Variants in SLC43A3 observed in about 807,000 individuals in gnomAD.
SLC43A3 encodes equilibrative nucleobase transporter 1.
Under a neutral mutation model 53.3 loss-of-function variants are expected in SLC43A3, and 33 were observed. That is an observed-to-expected ratio of 0.62 (90% CI 0.47 to 0.83). SLC43A3 has a LOEUF of 0.83. Ranked by LOEUF, SLC43A3 falls within the 40% of genes least tolerant of loss-of-function variation. SLC43A3 has a pLI of 0.00. For synonymous variants in SLC43A3, 236 were observed against 246.2 expected, an observed-to-expected ratio of 0.96 and a Z score of 0.39; for missense variants, 530 against 610.0, an observed-to-expected ratio of 0.87 and a Z score of 1.38.
intron 4 of SLC43A3, 144 bp from the exon 5 acceptor site, chr11:57,424,172 GC>G: frequency 1.3e-6 from 1 of 765,058 alleles, no homozygotes; most frequent in African/African-American, 1.7e-5. Context: ...ATGCCTCTGA[GC>G]CCCAGGCTCA....
intron 9 of SLC43A3, among the ~76,000 whole-genome samples, chr11:57,416,305 T>G (rs1942720576): frequency 2.7e-5 from 4 of 147,534 alleles, no homozygotes; most frequent in East Asian, 2.0e-4. Flanking sequence ...AACCGAGGAG[T>G]GGGGGGAAGG....
chr11:57,409,982 G>A lies in SLC43A3; in HGVS notation c.1200C>T (p.Ile400=). 6.2e-7 allele frequency: 1 copy of A among 1,613,320 alleles called. No individual in the cohort carries two copies. The highest frequency in any genetic ancestry group is 1.1e-5 in the South Asian group (1 of 90,642). ...LQYLTFILQV[I]SRSFLYGSNA... is the part of the protein sequence containing the mutation. ...TGCTCCCATAGAGGAAGGAGCGGCT[G>A]ATCACTTGCAGGATGAAGGTGAGGT... The change falls in exon 12 of 14, where the codon ATC becomes ATT. Residue 400 remains isoleucine (I), a synonymous_variant. Coordinates refer to ENST00000395124, the MANE Select transcript of SLC43A3 (RefSeq NM_199329.3).
Position 57,421,232 on chromosome 11 carries a change from G to A in SLC43A3, c.438+65C>T, listed in dbSNP as rs148621841. Reference sequence around the variant, plus strand: ...TCTGAGGCAGCCAATTATAGAAAAGGGTCTCTCCTTCCCTCCACCTTCCCG... The same window carrying A: ...TCTGAGGCAGCCAATTATAGAAAAGAGTCTCTCCTTCCCTCCACCTTCCCG... On this transcript the variant is annotated intron_variant, in intron 6 of 13. Coordinates refer to ENST00000395124, the MANE Select transcript of SLC43A3 (RefSeq NM_199329.3). 1,926 of 1,430,460 alleles carry A rather than the reference G, an allele frequency of 1.3e-3. 3 individuals are homozygous for A. The highest frequency in any genetic ancestry group is 1.7e-3 in the Non-Finnish European group (1,754 of 1,019,730). The allele number at this position is 1,430,460 out of a possible 1,614,324, so 88.6% of individuals were successfully genotyped here. A position where few individuals can be genotyped will look rare whatever the true frequency, so the allele number is the denominator to read the frequency against.
intron 4 of SLC43A3, 95 bp downstream of exon 4, chr11:57,425,445 GC>G: frequency 7.5e-7 from 1 of 1,339,580 alleles, no homozygotes; most frequent in Non-Finnish European, 1.0e-6. Context: ...TGGCAGGGTG[GC>G]CGGGCTGTCT....
At chr11:57,424,111 C>G in intron 4 of SLC43A3, 83 bp from the exon 5 acceptor site, 1 of 1,388,390 alleles carries the variant, frequency 7.2e-7, no homozygotes, top group Non-Finnish European at 1.0e-6. Flanking sequence ...TCAGCCAGCC[C>G]ACAAGTGTAG....
At chr11:57,417,565 GA>G (rs1363853617) in intron 8 of SLC43A3, among the ~76,000 whole-genome samples, 182 bp downstream of exon 8, 2 of 152,218 alleles carry the variant, frequency 1.3e-5, no homozygotes, top group African/African-American at 4.8e-5. Context: ...ACAGACTTGT[GA>G]AAAATAATAA....
At chr11:57,423,386 A>C (rs1943070933) in intron 5 of SLC43A3, among the ~76,000 whole-genome samples, 1 of 152,160 alleles carries the variant, frequency 6.6e-6, no homozygotes, top group Non-Finnish European at 1.5e-5. Context: ...TTTAACACAT[A>C]GGAGAAGGAT....
At chr11:57,413,438 T>C (rs929108431) in intron 11 of SLC43A3, among the ~76,000 whole-genome samples, 4 of 152,212 alleles carry the variant, frequency 2.6e-5, no homozygotes, top group African/African-American at 4.8e-5. Context: ...TTTATGGTGA[T>C]GTTTAAGTAA....
intron 4 of SLC43A3, among the ~76,000 whole-genome samples, chr11:57,425,095 C>T (rs553684449): frequency 4.3e-5 from 6 of 139,870 alleles, no homozygotes; most frequent in South Asian, 5.2e-4. Context: ...GCTGTTGGGG[C>T]GGGGAGGGGG....
intron 9 of SLC43A3, among the ~76,000 whole-genome samples, chr11:57,416,106 C>T (rs1490658967): frequency 6.6e-6 from 1 of 152,192 alleles, no homozygotes. Context: ...CATCTCCTCT[C>T]CCACCCCGTT....
Position 57,426,016 on chromosome 11 carries a change from G to T in SLC43A3, c.157C>A (p.Pro53Thr). Residue 53 changes from proline (P) to threonine (T), a missense_variant, in exon 3 of 14, where the codon CCG becomes ACG. Physicochemically the swap from Pro to Thr is conservative, Grantham distance 38. Around this residue, in one of 3 missense-constraint regions of SLC43A3, gnomAD observed 376 missense variants for 386.7 expected, o/e 0.97. Transcript: ENST00000395124. Reference protein sequence around the residue: ...FKDLCGPDAGPIGNATGQADC... With the variant: ...FKDLCGPDAGTIGNATGQADC... ...GCCTGCCCTGTGGCATTGCCAATCG[G>T]CCCAGCATCTGGTCCACACAGATCC... 3 of 1,614,216 alleles carry T rather than the reference G, an allele frequency of 1.9e-6. No homozygotes were observed. The highest frequency in any genetic ancestry group is 2.5e-6 in the Non-Finnish European group (3 of 1,180,022).
At chr11:57,411,319 C>A (rs961565067) in intron 11 of SLC43A3, among the ~76,000 whole-genome samples, 1 of 151,802 alleles carries the variant, frequency 6.6e-6, no homozygotes, top group Non-Finnish European at 1.5e-5. Context: ...ATGAACATAA[C>A]TCTATACCAA....
At chr11:57,425,374 G>A (rs925099123) in intron 4 of SLC43A3, among the ~76,000 whole-genome samples, 167 bp downstream of exon 4, 2 of 152,208 alleles carry the variant, frequency 1.3e-5, no homozygotes, top group African/African-American at 4.8e-5. Flanking sequence ...AGTCTAGAGA[G>A]AGTCCCGCTG....
chr11:57,409,542 G>A (rs1332118697), intron 12 of SLC43A3, among the ~76,000 whole-genome samples: 1 of 152,170 alleles, frequency 6.6e-6, no homozygotes, highest in Admixed American at 6.5e-5. Context: ...GCTGCACCAG[G>A]AAAGAAAAGA....
Position 57,425,654 on chromosome 11 carries a change from A to G in SLC43A3, c.201T>C (p.Asp67=). The G allele has an allele frequency of 6.2e-7, 1 of 1,614,116 alleles. No homozygotes were observed. Among genetic ancestry groups the G allele is most frequent in the East Asian group, 2.2e-5 (1 of 44,886 alleles). The change falls in exon 4 of 14, where the codon GAT becomes GAC. Residue 67 remains aspartate, a synonymous_variant. Transcript: ENST00000395124. The stretch of plus-strand genomic sequence containing the variant: ...GGGTGAAGATGAGTGAGAACCTCTC[A>G]TCCTGGGCTTTGCAGTCTGGAGTAG... ...ATGQADCKAQ[D]ERFSLIFTLG...
chr11:57,409,165 C>A lies in SLC43A3; in HGVS notation c.1371+10G>T, dbSNP rs576854610. 3 of 1,614,182 alleles carry A rather than the reference C, an allele frequency of 1.9e-6. No homozygotes were observed. In the South Asian group the frequency reaches 3.3e-5, roughly 18 times the overall value. ...CTCCTGCCAGGGATCCCCATCCTCC[C>A]AGTACTCACGTAAAATGGGTCATTC... On this transcript the variant is annotated intron_variant, in intron 13 of 13. Transcript: ENST00000395124.
At chr11:57,410,632 CAA>C (rs551846375) in intron 11 of SLC43A3, among the ~76,000 whole-genome samples, 13 of 136,004 alleles carry the variant, frequency 9.6e-5, no homozygotes, top group Non-Finnish European at 1.6e-4. Context: ...AGAGTTACAT[CAA>C]AAAAAAAAAA....
chr11:57,410,883 G>A (rs1403524946), intron 11 of SLC43A3, among the ~76,000 whole-genome samples: 1 of 152,142 alleles, frequency 6.6e-6, no homozygotes, highest in Admixed American at 6.5e-5. Flanking sequence ...TTTATCAGGG[G>A]TTTCCACTTT....
intron 5 of SLC43A3, among the ~76,000 whole-genome samples, chr11:57,422,739 A>T (rs1448257095): frequency 6.6e-6 from 1 of 152,220 alleles, no homozygotes; most frequent in Non-Finnish European, 1.5e-5. Flanking sequence ...TGCAGGCACG[A>T]GTCAAACATT....
Sources: allele counts gnomAD v4.1 joint callset (sites outside exome capture counted in the v4.1 genomes callset), GRCh38; gene constraint gnomAD v4.1.1; regional missense constraint gnomAD v4.1.1; transcripts MANE v1.5; gene names NCBI Gene and HGNC (gene_info 2026-07-23, HGNC 2026-07-21).